The following CYRIB variants were observed in gnomAD, a reference collection of about 807,000 sequenced individuals.
CYRIB encodes the protein CYFIP related Rac1 interactor B, also known as CYFIP-related Rac1 interactor B.
CYRIB carries 8 observed loss-of-function variants against 44.2 expected under a neutral mutation model. The observed-to-expected ratio is 0.18, with a 90% CI of 0.11 to 0.33. CYRIB has a LOEUF of 0.33. Ranked by LOEUF, CYRIB falls within the 10% of genes least tolerant of loss-of-function variation. The pLI, the probability that CYRIB is intolerant of heterozygous loss-of-function variation, is 1.00. For missense variants in CYRIB, 185 were observed against 382.8 expected (o/e 0.48, Z 4.31); for synonymous variants, 131 against 127.2 (o/e 1.03, Z -0.20).
intron 5 of CYRIB, among the ~76,000 whole-genome samples, chr8:129,861,443 C>A (rs1311952606): frequency 6.6e-6 from 1 of 151,662 alleles, no homozygotes; most frequent in East Asian, 1.9e-4. Context: ...CTTTCTATTT[C>A]TTTCTTTCTT....
chr8:129,977,021 T>C (rs767088434), intron 1 of CYRIB, among the ~76,000 whole-genome samples: 16 of 152,140 alleles, frequency 1.1e-4, no homozygotes, highest in Non-Finnish European at 2.2e-4. Context: ...TTTCTATTTT[T>C]AGTGGAGACG....
chr8:129,871,548 A>T, intron 3 of CYRIB, 52 bp from the exon 6 acceptor site: 2 of 1,589,426 alleles, frequency 1.3e-6, no homozygotes, highest in Non-Finnish European at 1.7e-6. Flanking sequence ...ATTTTTTAAA[A>T]TACATGTGTA....
In CYRIB at chr8:129,945,624, T is replaced by C. The variant is rs569335246; in HGVS notation, c.-243+25319A>G. On this transcript the variant is annotated intron_variant, in intron 2 of 14. Transcript: ENST00000401979. ...GCTCTGTCGCCCCAGGCTGGAGGGC[T>C]GTGACACAATCTCCACTCACTGCAG... 8.5e-5 allele frequency among the ~76,000 whole-genome samples: 13 copies of C among 152,258 alleles called. No individual in the cohort carries two copies. In the East Asian group the frequency reaches 2.5e-3, roughly 29 times the overall value.
chr8:130,003,940 C>T (rs1325014698), intron 1 of CYRIB, among the ~76,000 whole-genome samples: 4 of 152,208 alleles, frequency 2.6e-5, no homozygotes, highest in African/African-American at 4.8e-5. Context: ...AGATTTGAGA[C>T]GTGCAGGAAC....
At chr8:129,901,075 G>A (rs1026302640) in intron 2 of CYRIB, among the ~76,000 whole-genome samples, 5 of 152,072 alleles carry the variant, frequency 3.3e-5, no homozygotes, top group Non-Finnish European at 7.4e-5. Context: ...ACAAAATTTG[G>A]GACTACAGCC....
chr8:129,963,313 G>C (rs995731559), intron 2 of CYRIB, among the ~76,000 whole-genome samples: 1 of 152,208 alleles, frequency 6.6e-6, no homozygotes, highest in African/African-American at 2.4e-5. Flanking sequence ...TTCGAGGCGA[G>C]ATTCTGTTTC....
At chr8:129,939,265 G>T (rs894750023) in intron 1 of CYRIB, among the ~76,000 whole-genome samples, 4 of 151,678 alleles carry the variant, frequency 2.6e-5, no homozygotes, top group African/African-American at 9.7e-5. Flanking sequence ...ACGCCGACAC[G>T]GGAAGGGACG....
chr8:129,852,711 T>C (rs1244650340), intron 7 of CYRIB, among the ~76,000 whole-genome samples: 1 of 152,180 alleles, frequency 6.6e-6, no homozygotes, highest in Non-Finnish European at 1.5e-5. Context: ...GCAGGTCATA[T>C]TGGGCAGGTA....
intron 3 of CYRIB, among the ~76,000 whole-genome samples, chr8:129,878,732 A>G (rs2059956590): frequency 6.6e-6 from 1 of 152,258 alleles, no homozygotes; most frequent in Non-Finnish European, 1.5e-5. Context: ...CTCTTAGACC[A>G]TATTACAATA....
chr8:129,949,707 TA>T (rs59626155), intron 2 of CYRIB, among the ~76,000 whole-genome samples: 398 of 140,228 alleles, frequency 2.8e-3, no homozygotes, highest in Admixed American at 2.7e-3. Context: ...CTGTCTCTAC[TA>T]AAAAAAAAAA....
chr8:129,917,025 A>C (rs1489276074), intron 1 of CYRIB, among the ~76,000 whole-genome samples: 2 of 152,220 alleles, frequency 1.3e-5, no homozygotes. Context: ...GCAAGCATTA[A>C]ATAAGATTCA....
At chr8:129,869,253 G>C (rs1017501823) in intron 4 of CYRIB, among the ~76,000 whole-genome samples, 9 of 151,316 alleles carry the variant, frequency 5.9e-5, no homozygotes, top group Admixed American at 2.0e-4. Flanking sequence ...GGGCATGGTG[G>C]TGCATGCCTG....
At chr8:129,886,993 T>TA (rs150464177) in intron 2 of CYRIB, among the ~76,000 whole-genome samples, 2,532 of 152,228 alleles carry the variant, frequency 0.017, 62 homozygotes, top group African/African-American at 0.053. Flanking sequence ...ACACTCAAAA[T>TA]AAAATCCAAA....
At chr8:129,921,466 C>A (rs1316933718) in intron 1 of CYRIB, among the ~76,000 whole-genome samples, 2 of 152,154 alleles carry the variant, frequency 1.3e-5, no homozygotes, top group Non-Finnish European at 2.9e-5. Flanking sequence ...ATCACCAAAC[C>A]GAGACCTTTT....
At chr8:129,984,860 C>A (rs1311483092) in intron 1 of CYRIB, among the ~76,000 whole-genome samples, 2 of 152,272 alleles carry the variant, frequency 1.3e-5, no homozygotes, top group Non-Finnish European at 2.9e-5. Context: ...CTGCAACCTC[C>A]ACCTCCCAGG....
intron 2 of CYRIB, among the ~76,000 whole-genome samples, chr8:129,959,499 G>C (rs540548166): frequency 4.6e-5 from 7 of 152,106 alleles, no homozygotes; most frequent in Admixed American, 2.0e-4. Flanking sequence ...TTCTGGTCCA[G>C]TGTGATGACT....
chr8:129,947,107 G>C (rs1172174103), intron 2 of CYRIB, among the ~76,000 whole-genome samples: 1 of 151,758 alleles, frequency 6.6e-6, no homozygotes, highest in Non-Finnish European at 1.5e-5. Flanking sequence ...ACCCAGGCTA[G>C]AGTGCAGTGG....
chr8:129,991,588 C>G (rs989471459), intron 1 of CYRIB, among the ~76,000 whole-genome samples: 7 of 152,044 alleles, frequency 4.6e-5, no homozygotes, highest in African/African-American at 1.7e-4. Context: ...CAGAGAGTCC[C>G]CACCAGCAAA....
At chr8:129,956,956 A>G (rs1390625110) in intron 2 of CYRIB, among the ~76,000 whole-genome samples, 1 of 151,314 alleles carries the variant, frequency 6.6e-6, no homozygotes, top group Admixed American at 6.6e-5. Context: ...CTCCCACCTC[A>G]GACTCCCAAG....
Sources: allele counts gnomAD v4.1 joint callset (sites outside exome capture counted in the v4.1 genomes callset), GRCh38; gene constraint gnomAD v4.1.1; transcripts MANE v1.5; gene names NCBI Gene and HGNC (gene_info 2026-07-23, HGNC 2026-07-21).